CPNE8: variants seen among roughly 807,000 people sequenced by gnomAD.
The protein encoded by CPNE8 is copine-8.
In CPNE8, 45 loss-of-function variants were observed where a neutral mutation model predicts 81.5. The observed-to-expected ratio is 0.55, with a 90% CI of 0.44 to 0.71. CPNE8 has a LOEUF of 0.71. Ranked by LOEUF, CPNE8 falls within the 30% of genes least tolerant of loss-of-function variation. CPNE8 has a pLI of 0.00. For missense variants in CPNE8, 594 were observed against 672.1 expected (o/e 0.88, Z 1.28); for synonymous variants, 252 against 226.3 (o/e 1.11, Z -1.02).
chr12:38,709,315 C>A (rs1018420242), intron 13 of CPNE8, among the ~76,000 whole-genome samples: 2 of 152,182 alleles, frequency 1.3e-5, no homozygotes, highest in Admixed American at 1.3e-4. Flanking sequence ...ACCTGAATGA[C>A]AATGCAGACA....
At chr12:38,891,432 A>G (rs1944312780) in intron 1 of CPNE8, among the ~76,000 whole-genome samples, 1 of 151,934 alleles carries the variant, frequency 6.6e-6, no homozygotes. Context: ...CAGTGTTCTC[A>G]CTAAGTGTAT....
chr12:38,805,698 G>T (rs531577031), intron 6 of CPNE8, among the ~76,000 whole-genome samples: 24 of 111,742 alleles, frequency 2.1e-4, no homozygotes, highest in African/African-American at 5.5e-4. Flanking sequence ...AAAAGAACTA[G>T]AAAAGCAAGA....
At chr12:38,755,119 C>T (rs1229411992) in intron 10 of CPNE8, among the ~76,000 whole-genome samples, 2 of 152,114 alleles carry the variant, frequency 1.3e-5, no homozygotes, top group African/African-American at 2.4e-5. Context: ...CAAATATTAT[C>T]TTCTAAGGTA....
rs528609194 is a variant in CPNE8 at position 38,898,568 on chromosome 12, A to G, written c.98+6869T>C. Among the ~76,000 whole-genome samples, 8 of 152,296 alleles carry G rather than the reference A, an allele frequency of 5.3e-5. No homozygotes were observed. In the East Asian group the frequency reaches 1.5e-3, roughly 29 times the overall value. On this transcript the variant is annotated intron_variant, in intron 1 of 19. Transcript: ENST00000331366. ...CATTAACAGCACAACAGGCAGTCTA[A>G]TATCCCTAGCTTATATAACTTAATT...
chr12:38,848,703 G>T (rs752397675), intron 3 of CPNE8, 41 bp from the exon 4 acceptor site: 2 of 1,542,252 alleles, frequency 1.3e-6, no homozygotes, highest in Admixed American at 2.2e-5. Flanking sequence ...AACCTTGTAC[G>T]GCTACTTATT....
chr12:38,886,940 T>C (rs569672700), intron 1 of CPNE8, among the ~76,000 whole-genome samples: 15 of 152,056 alleles, frequency 9.9e-5, no homozygotes, highest in African/African-American at 3.4e-4. Flanking sequence ...GTTGTGAATA[T>C]ATGGATTTAA....
chr12:38,895,391 A>G (rs1944375802), intron 1 of CPNE8, among the ~76,000 whole-genome samples: 1 of 152,072 alleles, frequency 6.6e-6, no homozygotes, highest in African/African-American at 2.4e-5. Context: ...AATGTCACAT[A>G]GTCATTTCAA....
chr12:38,768,973 G>T (rs1327759408), intron 7 of CPNE8, among the ~76,000 whole-genome samples: 2 of 152,166 alleles, frequency 1.3e-5, no homozygotes, highest in Admixed American at 1.3e-4. Context: ...ATCTTACAGA[G>T]TCCAGCAATA....
At chr12:38,723,734 A>AT in intron 13 of CPNE8, 38 bp downstream of exon 13, 1 of 1,307,358 alleles carries the variant, frequency 7.6e-7, no homozygotes, top group Non-Finnish European at 1.1e-6. Flanking sequence ...ATTTTAGGAA[A>AT]TGCCTAAGCA....
At chr12:38,906,233 T>G, upstream of CPNE8, 1 of 985,418 alleles carries the variant, frequency 1.0e-6, no homozygotes, top group Non-Finnish European at 1.2e-6. Context: ...CTGCCCACTG[T>G]CGGCCACTTG....
Position 38,812,736 on chromosome 12 carries a change from G to A in CPNE8, c.407+16643C>T, listed in dbSNP as rs148017451. Among the ~76,000 whole-genome samples, 302 of 152,280 alleles carry A rather than the reference G, an allele frequency of 2.0e-3. 1 individual carries two copies. The highest frequency in any genetic ancestry group is 6.8e-3 in the Middle Eastern group (2 of 294). ...TGGATTAACGCCACTATTAAAAAGCGTTTATGGAAGTGGCTTCTCACTCTT... is the reference window on the plus strand; with the variant it reads ...TGGATTAACGCCACTATTAAAAAGCATTTATGGAAGTGGCTTCTCACTCTT... On this transcript the variant is annotated intron_variant, in intron 6 of 19. Coordinates refer to ENST00000331366, the MANE Select transcript of CPNE8 (RefSeq NM_153634.3).
chr12:38,814,881 T>G (rs151233178), intron 6 of CPNE8, among the ~76,000 whole-genome samples: 33 of 152,274 alleles, frequency 2.2e-4, no homozygotes, highest in African/African-American at 7.5e-4. Context: ...ATGGACCCCA[T>G]TGAAACAATT....
chr12:38,756,965 T>C (rs1342834294), intron 10 of CPNE8, among the ~76,000 whole-genome samples: 1 of 152,174 alleles, frequency 6.6e-6, no homozygotes, highest in African/African-American at 2.4e-5. Flanking sequence ...TATATTAAAA[T>C]GACAATATTC....
chr12:38,852,984 T>C (rs1943670217), intron 3 of CPNE8, among the ~76,000 whole-genome samples: 1 of 152,136 alleles, frequency 6.6e-6, no homozygotes, highest in Admixed American at 6.5e-5. Context: ...ACTTTTAAAA[T>C]CAGAAACAAA....
intron 6 of CPNE8, among the ~76,000 whole-genome samples, chr12:38,787,966 C>T (rs1942233923): frequency 1.8e-5 from 2 of 114,136 alleles, no homozygotes; most frequent in South Asian, 6.1e-4. Flanking sequence ...AATAAAAAGT[C>T]TCCCAGAAAA....
chr12:38,685,686 G>T (rs1434538823), intron 15 of CPNE8, 69 bp from the exon 16 acceptor site: 5 of 1,518,074 alleles, frequency 3.3e-6, no homozygotes, highest in Non-Finnish European at 4.5e-6. Flanking sequence ...AAGATCAATT[G>T]AAAGAGATGA....
intron 1 of CPNE8, among the ~76,000 whole-genome samples, chr12:38,895,971 T>C (rs1944383056): frequency 6.6e-6 from 1 of 152,118 alleles, no homozygotes; most frequent in African/African-American, 2.4e-5. Flanking sequence ...TTTCTTCACT[T>C]GTAAAACAGG....
chr12:38,707,352 T>C (rs1940133391), intron 13 of CPNE8, among the ~76,000 whole-genome samples: 1 of 152,044 alleles, frequency 6.6e-6, no homozygotes, highest in Admixed American at 6.6e-5. Flanking sequence ...TATTTAGAAT[T>C]AAACTTACTA....
intron 13 of CPNE8, among the ~76,000 whole-genome samples, chr12:38,716,493 A>G (rs750426898): frequency 4.0e-5 from 6 of 151,574 alleles, no homozygotes; most frequent in Non-Finnish European, 8.9e-5. Flanking sequence ...TGTAAAGCCA[A>G]ATAGAACTAA....
Sources: gnomAD v4.1 joint callset for allele counts (sites outside exome capture counted in the v4.1 genomes callset) on GRCh38, gnomAD v4.1.1 for gene constraint, MANE v1.5 for transcripts, NCBI Gene and HGNC (gene_info 2026-07-23, HGNC 2026-07-21) for gene names.